The following CTNNA3 variants were observed in gnomAD, a reference collection of about 807,000 sequenced individuals.
CTNNA3 encodes catenin alpha-3.
Under a neutral mutation model 95.7 loss-of-function variants are expected in CTNNA3, and 76 were observed. That is an observed-to-expected ratio of 0.79 (90% CI 0.66 to 0.96). CTNNA3 has a LOEUF of 0.96. CTNNA3 is among the 40% of genes least tolerant of loss of function. The pLI is 0.00. For synonymous variants in CTNNA3, 431 were observed against 374.4 expected, an observed-to-expected ratio of 1.15 and a Z score of -1.74; for missense variants, 1,191 against 1,089.8, an observed-to-expected ratio of 1.09 and a Z score of -1.31.
intron 13 of CTNNA3, among the ~76,000 whole-genome samples, chr10:66,199,799 ATATATATTTTTTTTT>A (rs2087254509): frequency 7.2e-5 from 1 of 13,838 alleles, no homozygotes; most frequent in Non-Finnish European, 1.3e-4. Flanking sequence ...ATATATATAT[ATATATATTTTTTTTT>A]TTTTTTTTTT....
chr10:66,607,352 C>T (rs1159005864), intron 10 of CTNNA3, among the ~76,000 whole-genome samples: 1 of 150,318 alleles, frequency 6.7e-6, no homozygotes, highest in Non-Finnish European at 1.5e-5. Flanking sequence ...ACCAGATGTC[C>T]AAAGAAGAGC....
At chr10:66,033,511 T>C (rs145489861) in intron 15 of CTNNA3, among the ~76,000 whole-genome samples, 57 of 152,242 alleles carry the variant, frequency 3.7e-4, no homozygotes, top group African/African-American at 1.3e-3. Flanking sequence ...TGTGCATGTA[T>C]GCATACATGT....
chr10:67,001,451 T>TG (rs1213030445), intron 7 of CTNNA3, among the ~76,000 whole-genome samples: 6 of 145,326 alleles, frequency 4.1e-5, no homozygotes, highest in African/African-American at 1.5e-4. Flanking sequence ...AAGACAGGGG[T>TG]GGGGGACAGA....
chr10:66,832,101 C>T lies in CTNNA3; in HGVS notation c.1048-56577G>A, dbSNP rs564019958. Among the ~76,000 whole-genome samples the T allele has an allele frequency of 2.6e-5, 4 of 152,304 alleles. No homozygotes were observed. The South Asian group carries it at 8.3e-4, about 32-fold the overall frequency. On this transcript the variant is annotated intron_variant, in intron 7 of 17. Transcript: ENST00000433211. ...TCTAACACCCAGAAGCACTGCAAAC[C>T]ACTAAGTAATTCACTGCTCAATTAA...
intron 13 of CTNNA3, among the ~76,000 whole-genome samples, chr10:66,239,241 T>G (rs58724886): frequency 0.21 from 32,336 of 151,488 alleles, 3,612 homozygotes; most frequent in South Asian, 0.29. Context: ...TACATTTTAT[T>G]TTAATGCTAA....
intron 7 of CTNNA3, chr10:66,926,917 C>A (rs769297583): frequency 1.9e-6 from 3 of 1,547,384 alleles, no homozygotes; most frequent in East Asian, 2.3e-5. Context: ...GTTTTTATTT[C>A]CAGGTTTCAA....
chr10:66,010,960 C>T (rs1034154068), intron 15 of CTNNA3, among the ~76,000 whole-genome samples: 2 of 152,160 alleles, frequency 1.3e-5, no homozygotes, highest in African/African-American at 2.4e-5. Flanking sequence ...GTTCTTGCTG[C>T]GGTTTCTACT....
At chr10:67,395,910 G>A (rs979997019) in intron 5 of CTNNA3, among the ~76,000 whole-genome samples, 2 of 152,056 alleles carry the variant, frequency 1.3e-5, no homozygotes, top group African/African-American at 4.8e-5. Flanking sequence ...ACAAGTCTTG[G>A]TTTCCATTTC....
intron 7 of CTNNA3, among the ~76,000 whole-genome samples, chr10:66,985,831 G>A (rs771985135): frequency 2.4e-4 from 36 of 152,144 alleles, no homozygotes; most frequent in Admixed American, 5.9e-4. Flanking sequence ...GGGTTCAAGC[G>A]ATTCTCATGC....
At chr10:66,694,775 C>T (rs1359488052) in intron 9 of CTNNA3, among the ~76,000 whole-genome samples, 1 of 152,110 alleles carries the variant, frequency 6.6e-6, no homozygotes, top group African/African-American at 2.4e-5. Flanking sequence ...AACAGAAAAG[C>T]ACAATGGCAG....
chr10:66,943,197 C>T (rs371127378), intron 7 of CTNNA3, among the ~76,000 whole-genome samples: 10 of 152,106 alleles, frequency 6.6e-5, no homozygotes, highest in East Asian at 3.9e-4. Flanking sequence ...AGAGCAGAGA[C>T]GAGAAAAGCT....
intron 7 of CTNNA3, among the ~76,000 whole-genome samples, chr10:67,092,030 T>G (rs1443417440): frequency 6.6e-6 from 1 of 151,900 alleles, no homozygotes; most frequent in African/African-American, 2.4e-5. Flanking sequence ...AAAATAAAAG[T>G]AAGAAAATAC....
rs140729552 is a variant in CTNNA3, at chr10:67,563,658, A to C, written c.293-23989T>G. On this transcript the variant is annotated intron_variant, in intron 3 of 17. Transcript: ENST00000433211. ...TTGACAAATGGGATCTAATTAAACT[A>C]AAGAGCTTCTGCACAGCAAAAGAAA... Among the ~76,000 whole-genome samples the C allele has an allele frequency of 2.0e-5, 3 of 152,182 alleles. No homozygotes were observed. In the East Asian group the frequency reaches 5.8e-4, roughly 30 times the overall value.
intron 5 of CTNNA3, among the ~76,000 whole-genome samples, chr10:67,436,546 T>C (rs891864698): frequency 6.6e-6 from 1 of 151,420 alleles, no homozygotes; most frequent in African/African-American, 2.4e-5. Flanking sequence ...AACCACAGAG[T>C]GGGAGAAAAT....
chr10:66,346,792 A>T (rs2132376887), intron 12 of CTNNA3, among the ~76,000 whole-genome samples: 2 of 152,184 alleles, frequency 1.3e-5, no homozygotes, highest in Middle Eastern at 3.4e-3. Context: ...GCTCTCAGTA[A>T]GTAAAGAGAC....
At chr10:67,306,601 A>C (rs1191505799) in intron 5 of CTNNA3, among the ~76,000 whole-genome samples, 1 of 152,184 alleles carries the variant, frequency 6.6e-6, no homozygotes, top group Non-Finnish European at 1.5e-5. Flanking sequence ...CAAAAATGGC[A>C]ATGAGTGGCC....
At chr10:66,819,767 T>A (rs1842234312) in intron 7 of CTNNA3, among the ~76,000 whole-genome samples, 1 of 152,060 alleles carries the variant, frequency 6.6e-6, no homozygotes, top group Non-Finnish European at 1.5e-5. Context: ...GAAACACAAA[T>A]GAAAACCACA....
chr10:66,766,455 G>A (rs1342384166), intron 8 of CTNNA3, 39 bp from the exon 9 acceptor site: 9 of 1,556,752 alleles, frequency 5.8e-6, no homozygotes, highest in Non-Finnish European at 7.0e-6. Context: ...TTTTTTCCAG[G>A]AAATAGTTCA....
At chr10:66,421,990 G>A (rs569301023) in intron 11 of CTNNA3, among the ~76,000 whole-genome samples, 2 of 147,190 alleles carry the variant, frequency 1.4e-5, no homozygotes, top group Admixed American at 1.4e-4. Flanking sequence ...ATTCTTTGTA[G>A]AAATACCTTG....
Sources: allele counts gnomAD v4.1 joint callset (sites outside exome capture counted in the v4.1 genomes callset), GRCh38; gene constraint gnomAD v4.1.1; transcripts MANE v1.5; gene names NCBI Gene and HGNC (gene_info 2026-07-23, HGNC 2026-07-21).